The following TMTC2 variants were observed in gnomAD, a reference collection of about 807,000 sequenced individuals.
TMTC2 encodes the protein protein O-mannosyl-transferase TMTC2.
Under a neutral mutation model 82.4 loss-of-function variants are expected in TMTC2, and 43 were observed. The ratio of observed to expected loss-of-function variants is 0.52; its 90% CI spans 0.41 to 0.67. TMTC2 has a LOEUF of 0.67. TMTC2 is among the 30% of genes least tolerant of loss of function. The pLI, the probability that TMTC2 is intolerant of heterozygous loss-of-function variation, is 0.00. For synonymous variants in TMTC2, 408 were observed against 381.9 expected, an observed-to-expected ratio of 1.07 and a Z score of -0.80; for missense variants, 919 against 1,012.4, an observed-to-expected ratio of 0.91 and a Z score of 1.25.
chr12:82,775,531 T>G (rs1383309047), intron 1 of TMTC2, among the ~76,000 whole-genome samples: 1 of 152,028 alleles, frequency 6.6e-6, no homozygotes, highest in Non-Finnish European at 1.5e-5. Flanking sequence ...GAGAGGAAAC[T>G]ATGTGAGACA....
intron 4 of TMTC2, among the ~76,000 whole-genome samples, chr12:82,936,462 A>G (rs915463115): frequency 6.6e-6 from 1 of 152,168 alleles, no homozygotes; most frequent in Non-Finnish European, 1.5e-5. Flanking sequence ...AAGGCCAGTT[A>G]CACAACAAAT....
chr12:82,881,824 A>G (rs1268094853), intron 2 of TMTC2, among the ~76,000 whole-genome samples: 3 of 152,162 alleles, frequency 2.0e-5, no homozygotes, highest in African/African-American at 7.2e-5. Context: ...TATTCCATTT[A>G]TTTATAACAA....
intron 1 of TMTC2, among the ~76,000 whole-genome samples, chr12:82,839,443 C>T (rs982521662): frequency 6.6e-6 from 1 of 152,078 alleles, no homozygotes; most frequent in Non-Finnish European, 1.5e-5. Flanking sequence ...TAAATTATAG[C>T]CAATTTACTC....
intron 1 of TMTC2, among the ~76,000 whole-genome samples, chr12:82,731,099 C>T (rs552517661): frequency 1.3e-5 from 2 of 152,234 alleles, no homozygotes; most frequent in African/African-American, 2.4e-5. Flanking sequence ...CTAGACTTAT[C>T]GGTGTTTATA....
At chr12:83,010,886 G>A (rs1880426076) in intron 8 of TMTC2, among the ~76,000 whole-genome samples, 1 of 152,152 alleles carries the variant, frequency 6.6e-6, no homozygotes, top group African/African-American at 2.4e-5. Flanking sequence ...CCAGGCTGGA[G>A]TGCAATGGTG....
chr12:83,114,825 CTTCA>C (rs1884702437), intron 11 of TMTC2, among the ~76,000 whole-genome samples: 1 of 151,600 alleles, frequency 6.6e-6, no homozygotes, highest in Admixed American at 6.6e-5. Context: ...TTCTTGCCAT[CTTCA>C]TTCATTTTAT....
intron 8 of TMTC2, among the ~76,000 whole-genome samples, chr12:82,995,957 T>G (rs2137356819): frequency 6.6e-6 from 1 of 152,314 alleles, no homozygotes; most frequent in Admixed American, 6.5e-5. Context: ...GCTCTTTAGC[T>G]TTTTGGTTAT....
intron 8 of TMTC2, among the ~76,000 whole-genome samples, chr12:83,008,747 C>T (rs1655600): frequency 0.89 from 134,939 of 152,062 alleles, 59,918 homozygotes; most frequent in South Asian, 0.96. Context: ...ATGAAATACG[C>T]AGCCTCTAAT....
At chr12:82,946,918 T>C (rs903326200) in intron 4 of TMTC2, among the ~76,000 whole-genome samples, 3 of 151,690 alleles carry the variant, frequency 2.0e-5, no homozygotes, top group Non-Finnish European at 4.4e-5. Flanking sequence ...ATTTTGTGTA[T>C]TTTTTAGTAA....
chr12:82,860,303 C>T (rs1871478970), intron 2 of TMTC2, among the ~76,000 whole-genome samples: 1 of 152,128 alleles, frequency 6.6e-6, no homozygotes. Flanking sequence ...CCTGTAGGAT[C>T]ATCTTTGCCA....
intron 1 of TMTC2, among the ~76,000 whole-genome samples, chr12:82,803,081 G>C (rs1329231170): frequency 4.6e-5 from 7 of 152,126 alleles, no homozygotes; most frequent in South Asian, 2.1e-4. Flanking sequence ...TTTGATCCAG[G>C]GTGTCTAGGA....
intron 8 of TMTC2, among the ~76,000 whole-genome samples, chr12:83,019,503 T>G (rs1298152507): frequency 1.3e-5 from 2 of 152,210 alleles, no homozygotes; most frequent in South Asian, 2.1e-4. Flanking sequence ...GTCAACCTCT[T>G]GATTCAGCCT....
intron 8 of TMTC2, among the ~76,000 whole-genome samples, chr12:82,997,221 C>CTCTCTCTCTCTCTCTCTCTATA (rs1451262969): frequency 1.4e-4 from 17 of 118,548 alleles, no homozygotes; most frequent in African/African-American, 5.9e-4. Flanking sequence ...CTCTCTCTCT[C>CTCTCTCTCTCTCTCTCTCTATA]TATATATATA....
At chr12:82,824,337 G>A (rs552305374) in intron 1 of TMTC2, among the ~76,000 whole-genome samples, 24 of 152,280 alleles carry the variant, frequency 1.6e-4, no homozygotes, top group African/African-American at 4.8e-4. Context: ...GTGGTTTGGT[G>A]GTCAGGCTAA....
rs117573512 is a variant in TMTC2 at position 82,799,120 on chromosome 12, T to C, written c.84-57890T>C. Among the ~76,000 whole-genome samples the C allele has an allele frequency of 5.2e-4, 79 of 152,314 alleles. No homozygotes were observed. The East Asian group carries it at 0.013, about 26-fold the overall frequency. ...AGAATTACTACCAGGGAATTATCTG[T>C]AGCAGCTACCTATAACTTTATGTAG... On this transcript the variant is annotated intron_variant, in intron 1 of 11. Transcript: ENST00000321196.
At chr12:83,131,749 G>T (rs1885261331) in intron 11 of TMTC2, among the ~76,000 whole-genome samples, 1 of 152,070 alleles carries the variant, frequency 6.6e-6, no homozygotes, top group Non-Finnish European at 1.5e-5. Context: ...TAATTGTTTT[G>T]TGTTAAAAGC....
chr12:82,875,374 G>GCATATATATATATATATATATA (rs1032944879), intron 2 of TMTC2, among the ~76,000 whole-genome samples: 23 of 150,742 alleles, frequency 1.5e-4, no homozygotes, highest in African/African-American at 5.7e-4. Flanking sequence ...ATATATGTGT[G>GCATATATATATATATATATATA]TATATATATA....
chr12:82,857,500 G>A lies in TMTC2; in HGVS notation c.574G>A (p.Val192Ile). 6.2e-7 allele frequency: 1 copy of A among 1,614,196 alleles called. No homozygotes were observed. The highest frequency in any genetic ancestry group is 8.5e-7 in the Non-Finnish European group (1 of 1,180,024). The change falls in exon 2 of 12, where the codon GTT becomes ATT. Residue 192 changes from valine (V) to isoleucine (I), a missense_variant. By Grantham distance (29) the Val-to-Ile change is conservative. Coordinates refer to ENST00000321196, the MANE Select transcript of TMTC2 (RefSeq NM_152588.3). ...SMLWKEQGVT[V>I]LAVSAVYDVF... ...GTTGTGGAAGGAACAAGGAGTGACTGTTCTCGCAGTTTCAGCAGTTTATGA... is the reference window on the plus strand; with the variant it reads ...GTTGTGGAAGGAACAAGGAGTGACTATTCTCGCAGTTTCAGCAGTTTATGA...
At chr12:82,823,156 AATATT>A (rs142980459) in intron 1 of TMTC2, among the ~76,000 whole-genome samples, 1,873 of 152,260 alleles carry the variant, frequency 0.012, 38 homozygotes, top group African/African-American at 0.043. Context: ...TTCTGTTATT[AATATT>A]ATATTATATG....
Sources: gnomAD v4.1 joint callset for allele counts (sites outside exome capture counted in the v4.1 genomes callset) on GRCh38, gnomAD v4.1.1 for gene constraint, MANE v1.5 for transcripts, NCBI Gene and HGNC (gene_info 2026-07-23, HGNC 2026-07-21) for gene names.